The following NTN1 variants were observed in gnomAD, a reference collection of about 807,000 sequenced individuals.
NTN1 encodes netrin-1.
Under a neutral mutation model 54.2 loss-of-function variants are expected in NTN1, and 11 were observed. The observed-to-expected ratio is 0.20, with a 90% CI of 0.13 to 0.34. The LOEUF (loss-of-function observed/expected upper bound fraction) is 0.34. Ranked by LOEUF, NTN1 falls within the 10% of genes least tolerant of loss-of-function variation. NTN1 has a pLI of 1.00. For missense variants in NTN1, 740 were observed against 893.1 expected, an observed-to-expected ratio of 0.83 and a Z score of 2.18; for synonymous variants, 371 against 382.0, an observed-to-expected ratio of 0.97 and a Z score of 0.33.
At chr17:9,097,165 G>A (rs781281015) in intron 2 of NTN1, among the ~76,000 whole-genome samples, 7 of 152,148 alleles carry the variant, frequency 4.6e-5, no homozygotes, top group Non-Finnish European at 8.8e-5. Flanking sequence ...ATTTGAGGAC[G>A]TGGAAAACAT....
At position 9,094,542 on chromosome 17, in the gene NTN1, T is replaced by G. The variant is rs145495824; in HGVS notation, c.1019-68271T>G. The stretch of plus-strand genomic sequence containing the variant: ...GTATATATACACATTTTAAAATCCT[T>G]TAAGTCTTCTATATGTATTGGCAAA... On this transcript the variant is annotated intron_variant, in intron 2 of 6. Transcript: ENST00000173229. 4.5e-3 allele frequency among the ~76,000 whole-genome samples: 689 copies of G among 152,274 alleles called. 4 individuals are homozygous for G. The highest frequency in any genetic ancestry group is 0.015 in the African/African-American group (630 of 41,556).
At chr17:9,162,272 G>T (rs2092359185) in intron 2 of NTN1, among the ~76,000 whole-genome samples, 1 of 152,212 alleles carries the variant, frequency 6.6e-6, no homozygotes, top group Non-Finnish European at 1.5e-5. Flanking sequence ...ACAACAAAGT[G>T]CCACGGGCTG....
At chr17:9,085,186 G>A (rs776520420) in intron 2 of NTN1, among the ~76,000 whole-genome samples, 5 of 152,192 alleles carry the variant, frequency 3.3e-5, no homozygotes, top group Non-Finnish European at 7.4e-5. Flanking sequence ...GTGGGGATGC[G>A]TGGGGTAAGT....
chr17:9,202,155 C>T lies in NTN1; in HGVS notation c.1412-19013C>T, dbSNP rs952394117. ...ACTCAGGAGGCTGAGGCGGGAGAATCGCTTGAACCCGGGAAGCAGAGGTTG... is the reference window on the plus strand; with the variant it reads ...ACTCAGGAGGCTGAGGCGGGAGAATTGCTTGAACCCGGGAAGCAGAGGTTG... On this transcript the variant is annotated intron_variant, in intron 5 of 6. Transcript: ENST00000173229. 5.4e-5 allele frequency among the ~76,000 whole-genome samples: 8 copies of T among 147,954 alleles called. No homozygotes were observed. In the East Asian group the frequency reaches 6.0e-4, roughly 11 times the overall value.
At chr17:9,191,197 A>G (rs1904446645) in intron 5 of NTN1, among the ~76,000 whole-genome samples, 1 of 152,194 alleles carries the variant, frequency 6.6e-6, no homozygotes, top group African/African-American at 2.4e-5. Context: ...GTGGTGGCTC[A>G]CGCCTTTAAT....
rs888485610 is a variant in NTN1, at chr17:9,221,328, G to T, written c.1486+86G>T. 40 of 1,016,528 alleles carry T rather than the reference G, an allele frequency of 3.9e-5. 1 individual carries two copies. In the African/African-American group the frequency reaches 4.6e-4, roughly 12 times the overall value. The allele number at this position is 1,016,528 out of a possible 1,614,324, so 63.0% of individuals were successfully genotyped here. ...TGGGGCTGGGGTGCAGCTGGCCCCCGATGGGTGTTGGTCGTGAAGACCCTG... is the reference window on the plus strand; with the variant it reads ...TGGGGCTGGGGTGCAGCTGGCCCCCTATGGGTGTTGGTCGTGAAGACCCTG... On this transcript the variant is annotated intron_variant, in intron 6 of 6. Coordinates refer to ENST00000173229, the MANE Select transcript of NTN1 (RefSeq NM_004822.3). This position sits in a 1 kb window ranked among gnomAD's most constrained non-coding sequence, Gnocchi z 4.5.
At chr17:9,233,706 G>A (rs1905889710) in intron 6 of NTN1, among the ~76,000 whole-genome samples, 2 of 152,094 alleles carry the variant, frequency 1.3e-5, no homozygotes, top group South Asian at 2.1e-4. Flanking sequence ...TGCCTTTGAC[G>A]GCCTGGTAAT....
chr17:9,121,151 C>T (rs1020828456), intron 2 of NTN1, among the ~76,000 whole-genome samples: 1 of 152,064 alleles, frequency 6.6e-6, no homozygotes, highest in African/African-American at 2.4e-5. Context: ...CATTAAAAAT[C>T]CCTGCAGCCG....
intron 6 of NTN1, among the ~76,000 whole-genome samples, chr17:9,226,964 C>G (rs3785990): frequency 0.25 from 37,838 of 151,922 alleles, 5,167 homozygotes; most frequent in African/African-American, 0.37. Flanking sequence ...CCCGAGGCCC[C>G]GCCTCACACC....
At chr17:9,222,349 G>C (rs1444341672) in intron 6 of NTN1, among the ~76,000 whole-genome samples, 1 of 152,214 alleles carries the variant, frequency 6.6e-6, no homozygotes, top group Non-Finnish European at 1.5e-5. Context: ...GCACCTCCTG[G>C]CCACCTCTGG....
At chr17:9,057,845 C>A (rs1306978358) in intron 2 of NTN1, among the ~76,000 whole-genome samples, 1 of 152,046 alleles carries the variant, frequency 6.6e-6, no homozygotes, top group African/African-American at 2.4e-5. Context: ...AAAAACATTG[C>A]CAGTTCATTT....
At chr17:9,181,295 G>A (rs1317542578) in intron 4 of NTN1, among the ~76,000 whole-genome samples, 2 of 152,174 alleles carry the variant, frequency 1.3e-5, no homozygotes, top group South Asian at 2.1e-4. Context: ...TGGGGGACTC[G>A]TGCCCTGTTT....
Position 9,239,921 on chromosome 17 carries a change from C to T in NTN1, c.1768C>T (p.Arg590Cys). ...QWRDTWARRL[R>C]KFQQREKKGK... ...GCGGGACACGTGGGCGCGGCGGCTG[C>T]GCAAGTTCCAGCAGCGTGAGAAGAA... The change falls in exon 7 of 7, where the codon CGC becomes TGC. Residue 590 changes from arginine (R) to cysteine (C), a missense_variant. By Grantham distance (180) the Arg-to-Cys change is radical. Coordinates refer to ENST00000173229, the MANE Select transcript of NTN1 (RefSeq NM_004822.3). This position sits in a 1 kb window ranked among gnomAD's most constrained non-coding sequence, Gnocchi z 5.2. 1 of 1,589,948 alleles carries T rather than the reference C, an allele frequency of 6.3e-7. No homozygotes were observed.
chr17:9,169,099 C>T (rs2092380376), intron 3 of NTN1, among the ~76,000 whole-genome samples: 3 of 152,246 alleles, frequency 2.0e-5, no homozygotes, highest in South Asian at 2.1e-4. Flanking sequence ...GCATCACAAA[C>T]CTTACCTACG....
At chr17:9,162,643 C>T (rs752062616) in intron 2 of NTN1, among the ~76,000 whole-genome samples, 170 bp from the exon 3 acceptor site, 9 of 152,190 alleles carry the variant, frequency 5.9e-5, no homozygotes, top group Admixed American at 2.0e-4. Context: ...TAAATGCTTA[C>T]GGGTACAAAC....
chr17:9,089,414 A>T (rs1461173347), intron 2 of NTN1, among the ~76,000 whole-genome samples: 1 of 4,998 alleles, frequency 2.0e-4, no homozygotes, highest in Non-Finnish European at 2.7e-4. Context: ...GATTCCATCT[A>T]AAAAAAAAAA....
intron 2 of NTN1, among the ~76,000 whole-genome samples, chr17:9,048,749 C>T (rs569681231): frequency 5.9e-5 from 9 of 152,086 alleles, no homozygotes; most frequent in East Asian, 3.9e-4. Flanking sequence ...TTCTGTCTCC[C>T]GGGTTCAAGC....
At chr17:9,173,206 A>G (rs115558527) in intron 3 of NTN1, 2,995 of 152,248 alleles carry the variant, frequency 0.02, 114 homozygotes, top group African/African-American at 0.069. Context: ...CCGCCACCTT[A>G]CATTAGGTCC....
At chr17:9,163,376 T>C (rs540895479) in intron 3 of NTN1, among the ~76,000 whole-genome samples, 5 of 152,086 alleles carry the variant, frequency 3.3e-5, no homozygotes, top group African/African-American at 1.2e-4. Flanking sequence ...CTGCGAGTCA[T>C]GTTCGCCAGG....
Sources: allele counts gnomAD v4.1 joint callset (sites outside exome capture counted in the v4.1 genomes callset), GRCh38; gene constraint gnomAD v4.1.1; non-coding constraint Gnocchi (gnomAD v3.1); transcripts MANE v1.5; gene names NCBI Gene and HGNC (gene_info 2026-07-23, HGNC 2026-07-21).